GABRR3: variants seen among roughly 807,000 people sequenced by gnomAD.
GABRR3 encodes gamma-aminobutyric acid receptor subunit rho-3.
Under a neutral mutation model 43.2 loss-of-function variants are expected in GABRR3, and 29 were observed. The observed-to-expected ratio is 0.67, with a 90% CI of 0.50 to 0.92. The LOEUF (loss-of-function observed/expected upper bound fraction) is 0.92. Ranked by LOEUF, GABRR3 falls within the 40% of genes least tolerant of loss-of-function variation. GABRR3 has a pLI of 0.00. For synonymous variants in GABRR3, 206 were observed against 195.9 expected (o/e 1.05, Z -0.43); for missense variants, 576 against 572.3 (o/e 1.01, Z -0.07).
At chr3:98,009,027 G>A (rs75582865) in exon 6 of GABRR3, 715 of 1,603,218 alleles carry the variant, frequency 4.5e-4, no homozygotes, top group African/African-American at 1.7e-3. Flanking sequence ...GCACATGGCC[G>A]AAACCGTTAT....
intron 2 of GABRR3, among the ~76,000 whole-genome samples, chr3:98,029,229 G>T (rs1025469096): frequency 7.2e-5 from 11 of 152,144 alleles, no homozygotes; most frequent in African/African-American, 2.7e-4. Flanking sequence ...CAGTAGGCGT[G>T]AGTCTTGGTA....
chr3:98,017,535 C>T, intron 4 of GABRR3, 120 bp downstream of exon 4: 1 of 727,594 alleles, frequency 1.4e-6, no homozygotes, highest in Non-Finnish European at 2.4e-6. Flanking sequence ...TATGATTAAT[C>T]AAAGTAGGAG....
chr3:98,013,071 C>A (rs1020868157), intron 4 of GABRR3, among the ~76,000 whole-genome samples: 1 of 152,130 alleles, frequency 6.6e-6, no homozygotes, highest in African/African-American at 2.4e-5. Context: ...TAGAGCTATT[C>A]GTGTAAAGCA....
chr3:98,029,766 T>C (rs1707062474), intron 2 of GABRR3, among the ~76,000 whole-genome samples: 1 of 152,084 alleles, frequency 6.6e-6, no homozygotes, highest in African/African-American at 2.4e-5. Context: ...AACTGTCATT[T>C]TATATCTATT....
intron 4 of GABRR3, 171 bp downstream of exon 4, chr3:98,017,484 T>C (rs1436207162): frequency 6.4e-6 from 1 of 156,046 alleles, no homozygotes. Context: ...TAATCAAGGT[T>C]AGAATGAAGA....
Position 98,008,955 on chromosome 3 carries a change from C to A in GABRR3, c.613+1G>T. 6.3e-7 allele frequency: 1 copy of A among 1,590,534 alleles called. No homozygotes were observed. The highest frequency in any genetic ancestry group is 8.6e-7 in the Non-Finnish European group (1 of 1,164,784). ...TCACTCCACCAGGAAGTGAGACTTA[C>A]AGCTTTCCAGTTCAAGAGAACAATT... On this transcript the variant is annotated splice_donor_variant, in intron 6 of 9. Transcript: ENST00000621172. LOFTEE classifies it high-confidence loss of function.
chr3:98,001,995 G>A (rs974613591), intron 7 of GABRR3, among the ~76,000 whole-genome samples: 4 of 152,094 alleles, frequency 2.6e-5, no homozygotes, highest in Admixed American at 2.6e-4. Flanking sequence ...CAAACCCGCA[G>A]TTCAGGGATG....
intron 3 of GABRR3, among the ~76,000 whole-genome samples, chr3:98,018,680 TTC>T (rs1354053266): frequency 3.3e-5 from 5 of 152,246 alleles, no homozygotes; most frequent in Admixed American, 6.5e-5. Flanking sequence ...CTTTTATATG[TTC>T]TCTTTCCATA....
intron 7 of GABRR3, among the ~76,000 whole-genome samples, chr3:98,006,661 A>C (rs1359318325): frequency 6.6e-6 from 1 of 152,198 alleles, no homozygotes; most frequent in Non-Finnish European, 1.5e-5. Flanking sequence ...AGCTGTTGGC[A>C]CACTTTCTGG....
chr3:98,029,150 G>A (rs562500655), intron 2 of GABRR3, among the ~76,000 whole-genome samples: 2 of 152,136 alleles, frequency 1.3e-5, no homozygotes, highest in South Asian at 2.1e-4. Flanking sequence ...ATCTCAATTC[G>A]TGGGAGAGCC....
intron 5 of GABRR3, among the ~76,000 whole-genome samples, chr3:98,010,184 C>G (rs987646667): frequency 1.3e-5 from 2 of 152,150 alleles, no homozygotes; most frequent in African/African-American, 4.8e-5. Context: ...TCTTGGTTAC[C>G]TATATTATAA....
At chr3:98,006,862 A>G (rs1050426717) in intron 7 of GABRR3, among the ~76,000 whole-genome samples, 7 of 152,196 alleles carry the variant, frequency 4.6e-5, no homozygotes, top group Non-Finnish European at 7.3e-5. Context: ...GTCTTGGATA[A>G]AAGTTGTCAA....
At chr3:98,001,757 A>G (rs1233639962) in exon 8 of GABRR3, 2 of 1,613,098 alleles carry the variant, frequency 1.2e-6, no homozygotes, top group Non-Finnish European at 1.7e-6. Flanking sequence ...TGAAAAGCCT[A>G]TTGTACCAAC....
intron 5 of GABRR3, 119 bp from the exon 6 acceptor site, chr3:98,009,157 A>G (rs1184870742): frequency 7.9e-6 from 5 of 629,864 alleles, no homozygotes; most frequent in Non-Finnish European, 8.5e-6. Context: ...AGAATAATGC[A>G]AAACAGGCAG....
At chr3:97,987,360 A>G (rs1400158919) in intron 9 of GABRR3, among the ~76,000 whole-genome samples, 1 of 152,216 alleles carries the variant, frequency 6.6e-6, no homozygotes, top group Non-Finnish European at 1.5e-5. Flanking sequence ...TTTCTGAAGG[A>G]GCAAATTATC....
chr3:98,007,753 A>T lies in GABRR3; in HGVS notation c.754+11T>A. ...TAAATGCTGATGAATCACCCATGTA[A>T]AATGCTGTACCTGTGCTGCTATAGA... On this transcript the variant is annotated intron_variant, in intron 7 of 9. Coordinates refer to ENST00000621172, the Ensembl canonical transcript of GABRR3. 6.2e-7 allele frequency: 1 copy of T among 1,613,282 alleles called. No homozygotes were observed. Among genetic ancestry groups the T allele is most frequent in the East Asian group, 2.2e-5 (1 of 44,866 alleles).
At chr3:98,006,643 TCAGGGA>T (rs1706726804) in intron 7 of GABRR3, among the ~76,000 whole-genome samples, 1 of 152,164 alleles carries the variant, frequency 6.6e-6, no homozygotes, top group Admixed American at 6.5e-5. Flanking sequence ...GCTCTGAAAC[TCAGGGA>T]CAGCTGTTGG....
intron 3 of GABRR3, among the ~76,000 whole-genome samples, chr3:98,020,642 G>A (rs1706930458): frequency 6.6e-6 from 1 of 151,992 alleles, no homozygotes; most frequent in South Asian, 2.1e-4. Context: ...ACCTATTTAT[G>A]CCACTGTTGC....
chr3:98,016,214 T>C (rs1386636049), intron 4 of GABRR3, among the ~76,000 whole-genome samples: 1 of 152,064 alleles, frequency 6.6e-6, no homozygotes, highest in Admixed American at 6.5e-5. Flanking sequence ...CCAAACCATA[T>C]CAGGAGGTAT....
Sources: gnomAD v4.1 joint callset for allele counts (sites outside exome capture counted in the v4.1 genomes callset) on GRCh38, gnomAD v4.1.1 for gene constraint, MANE v1.5 for transcripts, NCBI Gene and HGNC (gene_info 2026-07-23, HGNC 2026-07-21) for gene names.